The following ZNF626 variants were observed in gnomAD, a reference collection of about 807,000 sequenced individuals.
The protein encoded by ZNF626 is CTC-513N18.7.
ZNF626 carries 4 observed loss-of-function variants against 11.7 expected under a neutral mutation model. The observed-to-expected ratio is 0.34, with a 90% CI of 0.17 to 0.78. The LOEUF (loss-of-function observed/expected upper bound fraction) is 0.78. Ranked by LOEUF, ZNF626 falls within the 30% of genes least tolerant of loss-of-function variation. ZNF626 has a pLI of 0.57. For missense variants in ZNF626, 588 were observed against 587.1 expected, an observed-to-expected ratio of 1.00 and a Z score of -0.01; for synonymous variants, 179 against 198.6, an observed-to-expected ratio of 0.90 and a Z score of 0.83.
rs1208558752 is a variant in ZNF626 at position 20,620,626 on chromosome 19, T to G, written c.*3664A>C. On this transcript the variant is annotated 3_prime_UTR_variant, in exon 4 of 4. Coordinates refer to ENST00000601440, the MANE Select transcript of ZNF626 (RefSeq NM_001076675.3). ...TGGAGTGCAGCAGCACAATCTTGGCTCACTGCAATCTCCACCTCCCAAGTT... is the reference window on the plus strand; with the variant it reads ...TGGAGTGCAGCAGCACAATCTTGGCGCACTGCAATCTCCACCTCCCAAGTT... 6.6e-6 allele frequency: 1 copy of G among 152,104 alleles called. No individual in the cohort carries two copies. The highest frequency in any genetic ancestry group is 2.4e-5 in the African/African-American group (1 of 41,404). The allele number at this position is 152,104 out of a possible 1,614,324, so 9.4% of individuals were successfully genotyped here. A position where few individuals can be genotyped will look rare whatever the true frequency, so the allele number is the denominator to read the frequency against.
chr19:20,640,482 A>G (rs1032375304), intron 3 of ZNF626, among the ~76,000 whole-genome samples: 13 of 151,458 alleles, frequency 8.6e-5, no homozygotes, highest in African/African-American at 3.1e-4. Context: ...TGGGTAAAAC[A>G]TTTGCATATT....
chr19:20,656,703 T>C (rs1489558196), intron 1 of ZNF626, among the ~76,000 whole-genome samples: 1 of 148,694 alleles, frequency 6.7e-6, no homozygotes, highest in Admixed American at 6.7e-5. Context: ...AAAAAGGTCA[T>C]CGCTAGTCAT....
At chr19:20,632,755 A>T (rs1555770486) in intron 3 of ZNF626, among the ~76,000 whole-genome samples, 2 of 152,036 alleles carry the variant, frequency 1.3e-5, no homozygotes, top group African/African-American at 4.8e-5. Flanking sequence ...AGCTTGGAAT[A>T]GTTTGATCAT....
chr19:20,643,493 T>C (rs1970044911), intron 3 of ZNF626, among the ~76,000 whole-genome samples: 1 of 152,200 alleles, frequency 6.6e-6, no homozygotes, highest in Admixed American at 6.5e-5. Flanking sequence ...TTACTAATTA[T>C]CTAATTTACT....
intron 3 of ZNF626, chr19:20,645,262 A>C: frequency 7.0e-7 from 1 of 1,434,466 alleles, no homozygotes; most frequent in South Asian, 1.7e-5. Context: ...AAAAAAATTC[A>C]ACAGAAACTA....
intron 3 of ZNF626, among the ~76,000 whole-genome samples, chr19:20,635,377 C>CACTCAGGCAAAACTG (rs1555770819): frequency 6.6e-6 from 1 of 152,186 alleles, no homozygotes; most frequent in Non-Finnish European, 1.5e-5. Context: ...GGCAAAACTG[C>CACTCAGGCAAAACTG]AGTGGCATTA....
In ZNF626 at chr19:20,631,068, AT is replaced by A. The variant is rs539392997; in HGVS notation, c.227-5419del. 5.9e-5 allele frequency among the ~76,000 whole-genome samples: 9 copies of A among 152,140 alleles called. No individual in the cohort carries two copies. In the East Asian group the frequency reaches 1.7e-3, roughly 29 times the overall value. On this transcript the variant is annotated intron_variant, in intron 3 of 3. Transcript: ENST00000601440. ...TTCAGGAGCAGGTTGTTCAGTTTCC[AT>A]GTAGTTGAGTGGTTTTGAGTGAGTT...
chr19:20,655,921 C>A (rs1168779777), intron 1 of ZNF626, among the ~76,000 whole-genome samples: 2 of 147,714 alleles, frequency 1.4e-5, no homozygotes, highest in Non-Finnish European at 3.0e-5. Flanking sequence ...GGTGGCAGAG[C>A]GAGACTTTGC....
At chr19:20,625,718 A>G in intron 3 of ZNF626, 68 bp from the exon 4 acceptor site, 1 of 1,425,216 alleles carries the variant, frequency 7.0e-7, no homozygotes, top group Non-Finnish European at 9.3e-7. Flanking sequence ...ATATATATGC[A>G]GTTTGTATAG....
intron 3 of ZNF626, among the ~76,000 whole-genome samples, chr19:20,629,143 T>G (rs1555770104): frequency 6.6e-6 from 1 of 152,186 alleles, no homozygotes; most frequent in East Asian, 1.9e-4. Context: ...TTGGTCTATA[T>G]CTCTGGTTTG....
chr19:20,632,955 G>A (rs1555770512), intron 3 of ZNF626, among the ~76,000 whole-genome samples: 3 of 152,140 alleles, frequency 2.0e-5, no homozygotes, highest in Non-Finnish European at 4.4e-5. Context: ...ATGTACAGAT[G>A]GGTTTTTGGT....
intron 1 of ZNF626, among the ~76,000 whole-genome samples, chr19:20,647,484 G>GTTTTTTTTT (rs71174723): frequency 1.6e-5 from 2 of 122,808 alleles, no homozygotes; most frequent in Non-Finnish European, 3.3e-5. Flanking sequence ...TAGGACAATG[G>GTTTTTTTTT]TTTTTTTTTT....
In ZNF626 at chr19:20,661,532, G is replaced by GAAA; in HGVS notation, c.-87_-86insTTT. 5 of 1,154,858 alleles carry GAAA rather than the reference G, an allele frequency of 4.3e-6. No individual in the cohort carries two copies. The highest frequency in any genetic ancestry group is 2.5e-5 in the East Asian group (1 of 39,436). 71.5% of individuals were successfully genotyped at this position (1,154,858 alleles called of 1,614,324 possible). ...GGGGCCACACAGCCTGGGCCTTTAG[G>GAAA]AGAAGAACCAGACCTGGAGCTCTGA... On this transcript the variant is annotated 5_prime_UTR_variant, in exon 1 of 4. Coordinates refer to ENST00000601440, the MANE Select transcript of ZNF626 (RefSeq NM_001076675.3).
At position 20,624,257 on chromosome 19, in the gene ZNF626, C is replaced by G. The variant is rs141173249; in HGVS notation, c.*33G>C. 1.8e-3 allele frequency: 2,883 copies of G among 1,613,230 alleles called. 7 individuals carry two copies. The highest frequency in any genetic ancestry group is 2.8e-3 in the Middle Eastern group (17 of 6,050). On this transcript the variant is annotated 3_prime_UTR_variant, in exon 4 of 4. Transcript: ENST00000601440. ...AAATGCTTAAAAGCTTTGTCACATT[C>G]TTCACATTTGTAGAATTTCTCTCCA... is the stretch of plus-strand genomic sequence containing the variant.
At chr19:20,652,825 C>T (rs1304007318) in intron 1 of ZNF626, among the ~76,000 whole-genome samples, 1 of 152,086 alleles carries the variant, frequency 6.6e-6, no homozygotes. Flanking sequence ...GTTACCTGCA[C>T]ATTTGTGAGC....
chr19:20,631,730 G>C (rs1969908136), intron 3 of ZNF626, among the ~76,000 whole-genome samples: 1 of 151,128 alleles, frequency 6.6e-6, no homozygotes, highest in South Asian at 2.1e-4. Context: ...GATGGGTCTT[G>C]ACTCTTTATC....
intron 1 of ZNF626, among the ~76,000 whole-genome samples, chr19:20,659,408 T>C (rs1410871749): frequency 2.0e-5 from 3 of 152,034 alleles, no homozygotes; most frequent in Admixed American, 2.0e-4. Context: ...ACCAGCTAAT[T>C]TTTGTATTTT....
rs782610967 is a variant in ZNF626 at position 20,624,723 on chromosome 19, G to A, written c.1154C>T (p.Thr385Ile). 15 of 1,609,722 alleles carry A rather than the reference G, an allele frequency of 9.3e-6. No individual in the cohort carries two copies. The highest frequency in any genetic ancestry group is 1.1e-5 in the Non-Finnish European group (13 of 1,178,148). The change falls in exon 4 of 4, where the codon ACT becomes ATT. Residue 385 changes from threonine (T) to isoleucine (I), a missense_variant. Coordinates refer to ENST00000601440, the MANE Select transcript of ZNF626 (RefSeq NM_001076675.3). ...TCCAGTATGAATTATCTTATGCGTA[G>A]TAAGGTCTGAAGACCGCTTGAAGGC... Reference protein sequence around the residue: ...GKAFKRSSDLTTHKIIHTGEK... With the variant: ...GKAFKRSSDLITHKIIHTGEK...
intron 3 of ZNF626, among the ~76,000 whole-genome samples, chr19:20,643,903 C>T (rs782736864): frequency 1.1e-4 from 16 of 152,188 alleles, no homozygotes; most frequent in Non-Finnish European, 2.1e-4. Context: ...GAGACGTGTT[C>T]TATTCAGAAG....
Sources: gnomAD v4.1 joint callset for allele counts (sites outside exome capture counted in the v4.1 genomes callset) on GRCh38, gnomAD v4.1.1 for gene constraint, MANE v1.5 for transcripts, NCBI Gene and HGNC (gene_info 2026-07-23, HGNC 2026-07-21) for gene names.